The following SYNE2 variants were observed in gnomAD, a reference collection of about 807,000 sequenced individuals.
SYNE2 encodes spectrin repeat containing nuclear envelope protein 2.
SYNE2 carries 431 observed loss-of-function variants against 856.3 expected under a neutral mutation model. The observed-to-expected ratio is 0.50, with a 90% CI of 0.47 to 0.55. The LOEUF is 0.55. Among genes scored for constraint, SYNE2 ranks in the 20% least tolerant of loss-of-function variants. The probability of loss-of-function intolerance (pLI) is 0.00; values close to 1 mark genes in which losing one functional copy is unlikely to be tolerated. For missense variants in SYNE2, 8,129 were observed against 8,023.2 expected (o/e 1.01, Z -0.50); for synonymous variants, 2,923 against 2,872.3 (o/e 1.02, Z -0.56).
At chr14:64,179,572 C>T (rs11848293) in intron 96 of SYNE2, among the ~76,000 whole-genome samples, 7,362 of 152,280 alleles carry the variant, frequency 0.048, 416 homozygotes, top group African/African-American at 0.13. Flanking sequence ...TCTGTAGTCA[C>T]TTGGTATTGT....
intron 1 of SYNE2, among the ~76,000 whole-genome samples, chr14:63,878,762 C>G (rs761761266): frequency 6.6e-6 from 1 of 152,090 alleles, no homozygotes; most frequent in Non-Finnish European, 1.5e-5. Flanking sequence ...AGCCTGGTCT[C>G]GAACTCTCCT....
At chr14:63,934,463 T>A (rs1381408326) in intron 2 of SYNE2, among the ~76,000 whole-genome samples, 1 of 151,900 alleles carries the variant, frequency 6.6e-6, no homozygotes, top group Non-Finnish European at 1.5e-5. Context: ...TTGCTGCCAC[T>A]TTTCTCAGCT....
chr14:64,151,715 C>G (rs890595063), intron 84 of SYNE2, among the ~76,000 whole-genome samples: 1 of 152,164 alleles, frequency 6.6e-6, no homozygotes, highest in Non-Finnish European at 1.5e-5. Context: ...AAGCGCGTCC[C>G]AAATTTGTGA....
At chr14:63,781,458 T>C (rs1012583212) in intron 1 of SYNE2, among the ~76,000 whole-genome samples, 5 of 151,934 alleles carry the variant, frequency 3.3e-5, no homozygotes, top group African/African-American at 9.7e-5. Flanking sequence ...AATAAGTATA[T>C]AGGAAGATAA....
intron 1 of SYNE2, among the ~76,000 whole-genome samples, chr14:63,866,939 G>A (rs1895497692): frequency 6.6e-6 from 1 of 152,160 alleles, no homozygotes. Context: ...CTTGGCAATA[G>A]AGCGAGACCC....
chr14:64,062,351 A>G (rs759009045), intron 49 of SYNE2, among the ~76,000 whole-genome samples: 14 of 152,226 alleles, frequency 9.2e-5, no homozygotes, highest in Non-Finnish European at 1.6e-4. Flanking sequence ...TGTTTAGGAT[A>G]CAGTTCTTAA....
At chr14:64,032,616 T>A (rs11622349) in intron 45 of SYNE2, among the ~76,000 whole-genome samples, 13,662 of 150,724 alleles carry the variant, frequency 0.091, 887 homozygotes, top group African/African-American at 0.19. Context: ...CTTGTTGCCC[T>A]GGCTGGAGTG....
chr14:64,197,214 G>T (rs963683688), intron 99 of SYNE2: 2 of 152,328 alleles, frequency 1.3e-5, no homozygotes, highest in Admixed American at 1.3e-4. Context: ...AATCACCGAT[G>T]AGATGGTGGC....
At chr14:64,045,113 A>G (rs1215162428) in intron 45 of SYNE2, among the ~76,000 whole-genome samples, 2 of 152,184 alleles carry the variant, frequency 1.3e-5, no homozygotes, top group East Asian at 1.9e-4. Context: ...CCTCCCTGCC[A>G]CAAGCAAAGG....
intron 1 of SYNE2, among the ~76,000 whole-genome samples, chr14:63,900,279 AGTTT>A (rs1296707912): frequency 1.3e-5 from 2 of 152,198 alleles, no homozygotes; most frequent in African/African-American, 4.8e-5. Flanking sequence ...TAGGTGTATT[AGTTT>A]GTTTTCACGC....
chr14:64,196,459 A>G (rs1012520188), intron 99 of SYNE2, among the ~76,000 whole-genome samples: 7 of 152,238 alleles, frequency 4.6e-5, no homozygotes, highest in African/African-American at 1.7e-4. Context: ...ACTGCAAAAT[A>G]GAATTTTTTT....
chr14:64,107,845 A>G (rs978368059), intron 65 of SYNE2, among the ~76,000 whole-genome samples: 12 of 152,220 alleles, frequency 7.9e-5, no homozygotes, highest in Admixed American at 7.8e-4. Flanking sequence ...ACCATTTGTC[A>G]TCATGAAATA....
chr14:63,985,708 T>C (rs1322727259), intron 18 of SYNE2, among the ~76,000 whole-genome samples: 3 of 152,206 alleles, frequency 2.0e-5, no homozygotes, highest in Admixed American at 6.5e-5. Context: ...CAAAGTGATA[T>C]ATACTATTTT....
At chr14:64,168,741 C>G in intron 92 of SYNE2, 136 bp from the exon 93 acceptor site, 1 of 661,938 alleles carries the variant, frequency 1.5e-6, no homozygotes, top group Non-Finnish European at 2.7e-6. Context: ...ACATTTTTTG[C>G]AGTAGGTTCA....
intron 75 of SYNE2, 45 bp from the exon 76 acceptor site, chr14:64,130,003 C>T (rs372120766): frequency 1.1e-5 from 18 of 1,612,992 alleles, no homozygotes; most frequent in East Asian, 8.9e-5. Flanking sequence ...GTTATTGCCC[C>T]GGTTGGATGA....
chr14:63,775,566 A>G (rs1216469072), intron 1 of SYNE2, among the ~76,000 whole-genome samples: 1 of 151,904 alleles, frequency 6.6e-6, no homozygotes. Context: ...GTGAGCCACT[A>G]TGCCAGACCT....
intron 1 of SYNE2, among the ~76,000 whole-genome samples, chr14:63,881,282 G>A (rs184710817): frequency 4.6e-5 from 7 of 152,106 alleles, no homozygotes; most frequent in African/African-American, 1.4e-4. Context: ...CCCAGCCAAA[G>A]GAAACTTTTA....
rs2097231306 is a variant in SYNE2 at position 64,052,049 on chromosome 14, A to G, written c.8136A>G (p.Gln2712=). The G allele has an allele frequency of 6.2e-6, 10 of 1,613,860 alleles. No individual in the cohort carries two copies. Among genetic ancestry groups the G allele is most frequent in the South Asian group, 2.2e-5 (2 of 91,052 alleles). The part of the protein sequence containing the change: ...LEDGINNLKK[Q]WETLEPLHLE... ...ATGGAATAAATAACTTGAAGAAACA[A>G]TGGGAAACATTGGAGCCATTACACT... Residue 2712 remains glutamine (Q), a synonymous_variant, in exon 48 of 116, where the codon CAA becomes CAG. Coordinates refer to ENST00000555002, the MANE Select transcript of SYNE2 (RefSeq NM_182914.3).
At chr14:64,223,469 G>T in intron 113 of SYNE2, 89 bp downstream of exon 113, 1 of 1,514,164 alleles carries the variant, frequency 6.6e-7, no homozygotes, top group East Asian at 2.3e-5. Context: ...TAAGACAGAG[G>T]CCAGAAGCAA....
Sources: gnomAD v4.1 joint callset for allele counts (sites outside exome capture counted in the v4.1 genomes callset) on GRCh38, gnomAD v4.1.1 for gene constraint, MANE v1.5 for transcripts, NCBI Gene and HGNC (gene_info 2026-07-23, HGNC 2026-07-21) for gene names.